ZNF385D: variants seen among roughly 807,000 people sequenced by gnomAD.
The protein encoded by ZNF385D is zinc finger protein 385D, also known as zinc finger protein 659.
In ZNF385D, 15 loss-of-function variants were observed where a neutral mutation model predicts 35.8. The observed-to-expected ratio is 0.42, with a 90% CI of 0.28 to 0.64. ZNF385D has a LOEUF of 0.64. Ranked by LOEUF, ZNF385D falls within the 30% of genes least tolerant of loss-of-function variation. The probability of loss-of-function intolerance (pLI) is 0.23; values close to 1 mark genes in which losing one functional copy is unlikely to be tolerated. For missense variants in ZNF385D, 474 were observed against 494.6 expected (o/e 0.96, Z 0.39); for synonymous variants, 212 against 186.8 (o/e 1.13, Z -1.10).
At chr3:22,345,734 T>C (rs928776044) in intron 2 of ZNF385D, among the ~76,000 whole-genome samples, 2 of 152,154 alleles carry the variant, frequency 1.3e-5, no homozygotes, top group Non-Finnish European at 1.5e-5. Flanking sequence ...CTTCTAGAAG[T>C]GCTACTGGCT....
chr3:22,334,004 A>G (rs1391227036), intron 2 of ZNF385D, among the ~76,000 whole-genome samples: 2 of 152,218 alleles, frequency 1.3e-5, no homozygotes, highest in Non-Finnish European at 2.9e-5. Flanking sequence ...CAGTGGGAGA[A>G]AGTGTAAACT....
chr3:21,636,201 C>T (rs1341709601), intron 2 of ZNF385D, among the ~76,000 whole-genome samples: 1 of 151,186 alleles, frequency 6.6e-6, no homozygotes, highest in African/African-American at 2.4e-5. Context: ...CCATTTTCAC[C>T]ACAACCACAC....
chr3:22,275,936 T>C (rs1034450179), intron 2 of ZNF385D, among the ~76,000 whole-genome samples: 11 of 151,900 alleles, frequency 7.2e-5, no homozygotes, highest in African/African-American at 2.4e-4. Context: ...AACACAAAAA[T>C]TAGCTGGGCA....
At chr3:21,469,449 T>C (rs967074181) in intron 4 of ZNF385D, among the ~76,000 whole-genome samples, 1 of 152,198 alleles carries the variant, frequency 6.6e-6, no homozygotes, top group Admixed American at 6.6e-5. Context: ...AAGCACATGG[T>C]ACTAGCCCTT....
At chr3:21,574,856 T>C (rs1027190141) in intron 2 of ZNF385D, among the ~76,000 whole-genome samples, 1 of 151,970 alleles carries the variant, frequency 6.6e-6, no homozygotes, top group Non-Finnish European at 1.5e-5. Context: ...TGGATGCAAA[T>C]ATTTATATAT....
At chr3:21,891,307 C>T (rs1190033840) in intron 3 of ZNF385D, among the ~76,000 whole-genome samples, 1 of 152,078 alleles carries the variant, frequency 6.6e-6, no homozygotes, top group African/African-American at 2.4e-5. Context: ...CCAGGAAGTA[C>T]ACTGAGATCA....
intron 3 of ZNF385D, among the ~76,000 whole-genome samples, chr3:21,899,172 G>A (rs1052931400): frequency 1.3e-5 from 2 of 152,012 alleles, no homozygotes; most frequent in African/African-American, 4.8e-5. Context: ...TAGATGCCAA[G>A]AATGTTACTG....
At chr3:22,338,381 CT>C (rs1260882594) in intron 2 of ZNF385D, among the ~76,000 whole-genome samples, 2 of 152,026 alleles carry the variant, frequency 1.3e-5, no homozygotes, top group Non-Finnish European at 2.9e-5. Context: ...AAATATGTTA[CT>C]TTTGATAACA....
At position 21,971,707 on chromosome 3, in the gene ZNF385D, T is replaced by G. The variant is rs144044918; in HGVS notation, c.325+197110A>C. Among the ~76,000 whole-genome samples, 151 of 149,328 alleles carry G rather than the reference T, an allele frequency of 1.0e-3. 3 individuals carry two copies. In the East Asian group the frequency reaches 0.02, roughly 19 times the overall value. ...AAAAAAAAAAGACCCAGTGACCTGA[T>G]GCCTACAAGAAACACATTTCACCTA... On this transcript the variant is annotated intron_variant, in intron 3 of 5. Coordinates refer to the ZNF385D transcript ENST00000494108.
rs1030697061 is a variant in ZNF385D, at chr3:21,577,190, C to G, written c.166-12506G>C. On this transcript the variant is annotated intron_variant, in intron 2 of 7. Coordinates refer to ENST00000281523, the MANE Select transcript of ZNF385D (RefSeq NM_024697.3). ...CCTATACTTTGCTGCCTCTAGTTAT[C>G]ACTATTCTACTGTTTACTTCTATGA... Among the ~76,000 whole-genome samples the G allele has an allele frequency of 2.6e-5, 4 of 152,152 alleles. No homozygotes were observed. The East Asian group carries it at 7.7e-4, about 29-fold the overall frequency.
chr3:21,914,273 T>C (rs929007671), intron 3 of ZNF385D, among the ~76,000 whole-genome samples: 9 of 152,072 alleles, frequency 5.9e-5, no homozygotes, highest in Admixed American at 3.3e-4. Flanking sequence ...AACACTTATA[T>C]TTTTTAGCTA....
chr3:21,506,551 A>T (rs1051520973), intron 4 of ZNF385D, among the ~76,000 whole-genome samples: 1 of 152,176 alleles, frequency 6.6e-6, no homozygotes, highest in African/African-American at 2.4e-5. Flanking sequence ...AAACAACACA[A>T]GTTAGTTACA....
chr3:21,716,609 T>A (rs1478869303), intron 1 of ZNF385D, among the ~76,000 whole-genome samples: 2 of 152,150 alleles, frequency 1.3e-5, no homozygotes, highest in East Asian at 3.9e-4. Context: ...ATTATGTTAC[T>A]CAGAGTTCAC....
intron 3 of ZNF385D, chr3:21,877,867 TG>T (rs1559715470): frequency 6.6e-6 from 1 of 152,050 alleles, no homozygotes; most frequent in Non-Finnish European, 1.5e-5. Context: ...TAAATTTATT[TG>T]GGAAGTTACA....
intron 3 of ZNF385D, among the ~76,000 whole-genome samples, chr3:21,825,836 G>A (rs7614916): frequency 0.35 from 53,949 of 152,062 alleles, 9,964 homozygotes; most frequent in African/African-American, 0.46. Context: ...ACCAGGCTAG[G>A]CTGTACAGCA....
intron 3 of ZNF385D, among the ~76,000 whole-genome samples, chr3:22,142,491 A>C (rs1231156777): frequency 6.6e-6 from 1 of 152,216 alleles, no homozygotes; most frequent in Non-Finnish European, 1.5e-5. Context: ...AAAAGCAGCT[A>C]TAAAATCAAT....
rs183149161 is a variant in ZNF385D, at chr3:22,325,745, G to A, written c.106+46705C>T. On this transcript the variant is annotated intron_variant, in intron 2 of 5. Coordinates refer to the ZNF385D transcript ENST00000494108. ...TGCACTCCAGAGTGGCCAACAGAGC[G>A]AGACTCTGTCTCAAAAAAACAAAAA... 4.6e-5 allele frequency among the ~76,000 whole-genome samples: 7 copies of A among 152,172 alleles called. No homozygotes were observed. In the East Asian group the frequency reaches 5.8e-4, roughly 13 times the overall value.
At chr3:21,493,979 T>TC (rs907612006) in intron 4 of ZNF385D, among the ~76,000 whole-genome samples, 8 of 152,270 alleles carry the variant, frequency 5.3e-5, no homozygotes, top group Admixed American at 1.3e-4. Flanking sequence ...GGCTTTTTTT[T>TC]CCTTTGTCTT....
intron 2 of ZNF385D, among the ~76,000 whole-genome samples, chr3:22,294,494 G>A (rs1702466689): frequency 6.6e-6 from 1 of 152,074 alleles, no homozygotes; most frequent in African/African-American, 2.4e-5. Context: ...TTATATATCA[G>A]TATGTATTAG....
Sources: allele counts gnomAD v4.1 joint callset (sites outside exome capture counted in the v4.1 genomes callset), GRCh38; gene constraint gnomAD v4.1.1; transcripts MANE v1.5; gene names NCBI Gene and HGNC (gene_info 2026-07-23, HGNC 2026-07-21).